Variants in CSMD2 observed in about 807,000 individuals in gnomAD.
CSMD2 encodes the protein CUB and sushi domain-containing protein 2.
Under a neutral mutation model 398.5 loss-of-function variants are expected in CSMD2, and 130 were observed. The observed-to-expected ratio is 0.33, with a 90% confidence interval of 0.28 to 0.38. The LOEUF is 0.38. CSMD2 is among the 10% of genes least tolerant of loss of function. The pLI, the probability that CSMD2 is intolerant of heterozygous loss-of-function variation, is 1.00. For synonymous variants in CSMD2, 1,828 were observed against 1,908.5 expected (o/e 0.96, Z 1.10); for missense variants, 3,829 against 4,764.9 (o/e 0.80, Z 5.78).
chr1:33,587,060 C>G (rs1402368162), intron 45 of CSMD2, 28 bp downstream of exon 45: 2 of 1,558,234 alleles, frequency 1.3e-6, no homozygotes, highest in Non-Finnish European at 1.7e-6. Context: ...CCTGGGTTCA[C>G]AGTCCTTGCT....
chr1:34,024,389 G>A (rs1649351763), intron 3 of CSMD2, among the ~76,000 whole-genome samples: 1 of 152,212 alleles, frequency 6.6e-6, no homozygotes, highest in Non-Finnish European at 1.5e-5. Flanking sequence ...AGACGGTCAT[G>A]GCACTAGAGT....
At chr1:33,784,392 A>C (rs1404070617) in intron 12 of CSMD2, among the ~76,000 whole-genome samples, 1 of 152,274 alleles carries the variant, frequency 6.6e-6, no homozygotes, top group East Asian at 1.9e-4. Context: ...GCTCCTCACC[A>C]GGAGGGTGTG....
intron 1 of CSMD2, among the ~76,000 whole-genome samples, chr1:34,151,953 C>G (rs527289915): frequency 6.6e-6 from 1 of 152,144 alleles, no homozygotes; most frequent in Admixed American, 6.5e-5. Flanking sequence ...AGCCATCCCC[C>G]GGCCTCAGCC....
intron 19 of CSMD2, among the ~76,000 whole-genome samples, chr1:33,718,529 T>G (rs1646250422): frequency 6.6e-6 from 1 of 152,216 alleles, no homozygotes; most frequent in African/African-American, 2.4e-5. Flanking sequence ...GAACTCATGT[T>G]AGACTAGGAC....
At chr1:33,686,893 A>C (rs962678323) in intron 25 of CSMD2, among the ~76,000 whole-genome samples, 4 of 152,130 alleles carry the variant, frequency 2.6e-5, no homozygotes, top group Admixed American at 6.5e-5. Flanking sequence ...GCTTAGGAAT[A>C]CTCTGTTTGG....
chr1:33,969,345 T>C (rs1445053376), intron 3 of CSMD2, among the ~76,000 whole-genome samples: 1 of 152,230 alleles, frequency 6.6e-6, no homozygotes, highest in Non-Finnish European at 1.5e-5. Flanking sequence ...CACCTGTTTC[T>C]TTTTCAGTCT....
intron 3 of CSMD2, among the ~76,000 whole-genome samples, chr1:33,952,079 A>C (rs1645025200): frequency 6.6e-6 from 1 of 152,238 alleles, no homozygotes; most frequent in Non-Finnish European, 1.5e-5. Flanking sequence ...GGGAGGCCAC[A>C]GGAGCCAAGG....
At chr1:33,724,362 G>A (rs766322169) in intron 18 of CSMD2, 49 bp from the exon 19 acceptor site, 2 of 1,521,824 alleles carry the variant, frequency 1.3e-6, no homozygotes, top group Non-Finnish European at 1.8e-6. Flanking sequence ...GCCTCAGGGA[G>A]CACCCCCGTC....
At chr1:33,552,865 A>G (rs1357706515) in intron 55 of CSMD2, among the ~76,000 whole-genome samples, 1 of 152,200 alleles carries the variant, frequency 6.6e-6, no homozygotes, top group Non-Finnish European at 1.5e-5. Context: ...TACTTGTACA[A>G]CTTTGCGAAT....
intron 24 of CSMD2, among the ~76,000 whole-genome samples, chr1:33,693,299 A>G (rs1166458980): frequency 6.6e-6 from 1 of 152,226 alleles, no homozygotes; most frequent in African/African-American, 2.4e-5. Flanking sequence ...GATTCGAATA[A>G]ACATTTCTCC....
chr1:33,818,366 CCTTGCCCTATAGAGCTCATGTTCTA>C (rs1285218246), intron 9 of CSMD2, among the ~76,000 whole-genome samples: 5 of 152,160 alleles, frequency 3.3e-5, no homozygotes, highest in African/African-American at 1.2e-4. Flanking sequence ...AAACAGAAGT[CCTTGCCCTATAGAGCTCATGTTCTA>C]CTGGCATGAG....
At chr1:33,790,841 C>CTATCTATG (rs1430289539) in intron 11 of CSMD2, among the ~76,000 whole-genome samples, 2 of 151,404 alleles carry the variant, frequency 1.3e-5, no homozygotes, top group African/African-American at 4.9e-5. Context: ...ATCTATCTAT[C>CTATCTATG]TATCATCTAT....
At chr1:34,077,277 G>A (rs956130325) in intron 2 of CSMD2, among the ~76,000 whole-genome samples, 5 of 151,306 alleles carry the variant, frequency 3.3e-5, no homozygotes, top group African/African-American at 9.7e-5. Context: ...CTAACACGGT[G>A]AATCCCCGTC....
At chr1:33,857,900 G>T (rs1047098566) in intron 5 of CSMD2, among the ~76,000 whole-genome samples, 6 of 152,224 alleles carry the variant, frequency 3.9e-5, no homozygotes, top group African/African-American at 1.4e-4. Context: ...CTATAAAGGA[G>T]TAGGTTTTTA....
rs367958519 is a variant in CSMD2 at position 33,910,355 on chromosome 1, C to T, written c.920+7739G>A. Among the ~76,000 whole-genome samples, 102 of 152,306 alleles carry T rather than the reference C, an allele frequency of 6.7e-4. No homozygotes were observed. In the Middle Eastern group the frequency reaches 0.01, roughly 15 times the overall value. ...GCCCCAAATGCACCAGGGCTCTTTT[C>T]GGCTCCATGCCAATGGCAAAATCTT... On this transcript the variant is annotated intron_variant, in intron 5 of 70. Coordinates refer to ENST00000373381, the MANE Select transcript of CSMD2 (RefSeq NM_001281956.2).
Position 33,514,774 on chromosome 1 carries a change from G to C in CSMD2, c.*1850C>G, listed in dbSNP as rs1009167422. On this transcript the variant is annotated 3_prime_UTR_variant, in exon 71 of 71. Transcript: ENST00000373381. ...TTGGCCCTCTCCCTCCAGGCCCAGG[G>C]GGGTGCCGTGTCCCAGAGGTGGTGT... is the stretch of plus-strand genomic sequence containing the variant. The C allele has an allele frequency of 6.6e-6, 1 of 152,230 alleles. No individual in the cohort carries two copies. Among genetic ancestry groups the C allele is most frequent in the Non-Finnish European group, 1.5e-5 (1 of 68,124 alleles). 9.4% of individuals were successfully genotyped at this position (152,230 alleles called of 1,614,324 possible).
intron 3 of CSMD2, among the ~76,000 whole-genome samples, chr1:33,966,879 G>GCGCCTAGACA: frequency 6.6e-6 from 1 of 152,204 alleles, no homozygotes; most frequent in Admixed American, 6.5e-5. Context: ...CTGTGGAAAT[G>GCGCCTAGACA]CGCCTAGACA....
chr1:34,047,906 C>T (rs1283906726), intron 2 of CSMD2, among the ~76,000 whole-genome samples: 2 of 152,222 alleles, frequency 1.3e-5, no homozygotes, highest in African/African-American at 4.8e-5. Context: ...AGATGTTCCT[C>T]CTCCACTTGT....
At chr1:34,021,896 C>T (rs1406846215) in intron 3 of CSMD2, among the ~76,000 whole-genome samples, 1 of 152,132 alleles carries the variant, frequency 6.6e-6, no homozygotes, top group African/African-American at 2.4e-5. Context: ...AGGGTGCAAG[C>T]TTTTCCATAT....
Sources: allele counts gnomAD v4.1 joint callset (sites outside exome capture counted in the v4.1 genomes callset), GRCh38; gene constraint gnomAD v4.1.1; transcripts MANE v1.5; gene names NCBI Gene and HGNC (gene_info 2026-07-23, HGNC 2026-07-21).